The following LZTFL1 variants were observed in gnomAD, a reference collection of about 807,000 sequenced individuals.
LZTFL1 encodes the protein leucine zipper transcription factor like 1.
A neutral mutation model predicts 45.9 loss-of-function variants in LZTFL1; 25 were observed. The ratio of observed to expected loss-of-function variants is 0.54; its 90% CI spans 0.40 to 0.76. LZTFL1 has a LOEUF of 0.76. LZTFL1 is among the 30% of genes least tolerant of loss of function. LZTFL1 has a pLI of 0.00. For missense variants in LZTFL1, 277 were observed against 331.1 expected (o/e 0.84, Z 1.27); for synonymous variants, 93 against 117.4 (o/e 0.79, Z 1.35).
Position 45,840,235 on chromosome 3 carries a change from G to A in LZTFL1, c.3+1754C>T, listed in dbSNP as rs189663310. Reference sequence around the variant, plus strand: ...CAGAAAAGTTCCTTTAAAATGGATTGGAATGAAGAAAGGGGGTAAAAGTGG... The same window carrying A: ...CAGAAAAGTTCCTTTAAAATGGATTAGAATGAAGAAAGGGGGTAAAAGTGG... On this transcript the variant is annotated intron_variant, in intron 1 of 9. Transcript: ENST00000296135. 1.8e-3 allele frequency among the ~76,000 whole-genome samples: 281 copies of A among 152,252 alleles called. 2 individuals are homozygous for A. Among genetic ancestry groups the A allele is most frequent in the Middle Eastern group, 0.014 (4 of 294 alleles).
At chr3:45,828,722 T>A (rs1700734932) in intron 7 of LZTFL1, 107 bp from the exon 8 acceptor site, 1 of 995,282 alleles carries the variant, frequency 1.0e-6, no homozygotes, top group African/African-American at 1.6e-5. Context: ...GATGTATGTT[T>A]TGTGTGCATG....
chr3:45,901,233 G>A lies in LZTFL1; in HGVS notation c.-215+11887C>T, dbSNP rs1252320878. 6.2e-7 allele frequency: 1 copy of A among 1,614,160 alleles called. No individual in the cohort carries two copies. The highest frequency in any genetic ancestry group is 1.1e-5 in the South Asian group (1 of 91,076). ...CAGCGTGGACAGGTACATTGCCATT[G>A]CCCAGGCCATGAGAGCACATACTTG... On this transcript the variant is annotated intron_variant, in intron 2 of 4. Transcript: ENST00000472635. The surrounding 1 kb of genome is among the most constrained non-coding windows in gnomAD (Gnocchi z 4.3).
At chr3:45,834,163 C>A in intron 4 of LZTFL1, 75 bp downstream of exon 4, 1 of 822,906 alleles carries the variant, frequency 1.2e-6, no homozygotes, top group East Asian at 2.6e-5. Flanking sequence ...GTTTTGATCT[C>A]TGAATTCTTT....
rs150847489 is a variant in LZTFL1, at chr3:45,860,912, T to A, written c.-214-1896A>T. 5.9e-5 allele frequency among the ~76,000 whole-genome samples: 9 copies of A among 152,354 alleles called. No homozygotes were observed. In the East Asian group the frequency reaches 1.7e-3, roughly 29 times the overall value. ...TGCTAGGAGAGATTTTCTGCTGAAA[T>A]CTTCCCACTGACTTCTGATCTAGTC... On this transcript the variant is annotated intron_variant, in intron 2 of 4. Transcript: ENST00000472635.
At chr3:45,831,524 A>C (rs1032772379) in intron 5 of LZTFL1, among the ~76,000 whole-genome samples, 3 of 152,060 alleles carry the variant, frequency 2.0e-5, no homozygotes, top group Admixed American at 1.3e-4. Flanking sequence ...GAACTCCTTC[A>C]CTTCAGTACC....
chr3:45,878,784 A>G (rs1395295328), intron 2 of LZTFL1, among the ~76,000 whole-genome samples: 1 of 152,228 alleles, frequency 6.6e-6, no homozygotes, highest in African/African-American at 2.4e-5. Flanking sequence ...AAAGACCTAA[A>G]GAGATACTTC....
Position 45,900,868 on chromosome 3 carries a change from A to G in LZTFL1, c.-215+12252T>C. On this transcript the variant is annotated intron_variant, in intron 2 of 4. Coordinates refer to the LZTFL1 transcript ENST00000472635. The surrounding 1 kb of genome is among the most constrained non-coding windows in gnomAD (Gnocchi z 4.7). ...TCTGAATCCACATCTTCCATGGAAGACTACGTTAACTTCAACTTCACTGAC... is the reference window on the plus strand; with the variant it reads ...TCTGAATCCACATCTTCCATGGAAGGCTACGTTAACTTCAACTTCACTGAC... 1 of 1,614,130 alleles carries G rather than the reference A, an allele frequency of 6.2e-7. No individual in the cohort carries two copies. The highest frequency in any genetic ancestry group is 2.2e-5 in the East Asian group (1 of 44,888).
At chr3:45,851,888 T>A (rs866782853) in intron 4 of LZTFL1, among the ~76,000 whole-genome samples, 1 of 152,098 alleles carries the variant, frequency 6.6e-6, no homozygotes, top group African/African-American at 2.4e-5. Flanking sequence ...CATAACTAAC[T>A]ATATTGACTT....
intron 2 of LZTFL1, among the ~76,000 whole-genome samples, chr3:45,898,028 A>C (rs1702421116): frequency 6.8e-6 from 1 of 146,788 alleles, no homozygotes; most frequent in Non-Finnish European, 1.5e-5. Context: ...CACAAATAAC[A>C]AAAAAAAAAC....
chr3:45,873,408 C>G (rs1701700815), intron 2 of LZTFL1, among the ~76,000 whole-genome samples: 1 of 152,210 alleles, frequency 6.6e-6, no homozygotes, highest in African/African-American at 2.4e-5. Context: ...TTTCATTTCT[C>G]CATCAGCCTT....
chr3:45,849,647 C>T (rs1701277188), intron 4 of LZTFL1, among the ~76,000 whole-genome samples: 1 of 152,136 alleles, frequency 6.6e-6, no homozygotes, highest in African/African-American at 2.4e-5. Context: ...GGTCAGCCTG[C>T]AAAACTAACC....
chr3:45,898,559 C>T (rs1459790113), intron 2 of LZTFL1, among the ~76,000 whole-genome samples: 1 of 152,244 alleles, frequency 6.6e-6, no homozygotes, highest in African/African-American at 2.4e-5. Context: ...TCCTGGGTCC[C>T]TCTCTTTGCA....
At chr3:45,876,966 A>G (rs1701757416) in intron 2 of LZTFL1, among the ~76,000 whole-genome samples, 1 of 152,182 alleles carries the variant, frequency 6.6e-6, no homozygotes, top group African/African-American at 2.4e-5. Context: ...CCTCCTGGAC[A>G]CAAGACAGCA....
chr3:45,892,117 T>G (rs1454780187), intron 2 of LZTFL1, among the ~76,000 whole-genome samples: 1 of 152,208 alleles, frequency 6.6e-6, no homozygotes, highest in Non-Finnish European at 1.5e-5. Flanking sequence ...CTAATTATGC[T>G]GTGTATCATT....
intron 2 of LZTFL1, among the ~76,000 whole-genome samples, chr3:45,876,782 C>G (rs1701754870): frequency 1.3e-5 from 2 of 152,130 alleles, no homozygotes; most frequent in African/African-American, 4.8e-5. Context: ...CCTGGAGGTG[C>G]AGGGTGGTGA....
At chr3:45,863,775 G>T (rs1701533913) in intron 2 of LZTFL1, among the ~76,000 whole-genome samples, 1 of 152,198 alleles carries the variant, frequency 6.6e-6, no homozygotes, top group African/African-American at 2.4e-5. Context: ...AGCTACCCAT[G>T]AAGAGACTGG....
At chr3:45,829,306 T>C (rs1255504599) in intron 7 of LZTFL1, among the ~76,000 whole-genome samples, 3 of 152,272 alleles carry the variant, frequency 2.0e-5, no homozygotes, top group Middle Eastern at 6.8e-3. Flanking sequence ...AATATGTAGA[T>C]GAAGAAATAC....
chr3:45,825,821 AAT>A lies in LZTFL1; in HGVS notation c.*491_*492del, dbSNP rs1181927820. The A allele has an allele frequency of 6.5e-6, 1 of 152,838 alleles. No homozygotes were observed. The highest frequency in any genetic ancestry group is 2.4e-5 in the African/African-American group (1 of 41,468). The allele number at this position is 152,838 out of a possible 1,614,324, so 9.5% of individuals were successfully genotyped here. A position where few individuals can be genotyped will look rare whatever the true frequency, so the allele number is the denominator to read the frequency against. On this transcript the variant is annotated 3_prime_UTR_variant, in exon 10 of 10. Transcript: ENST00000296135. ...TCAATGAATTTATAGTTTATCATCAAATAGAGTAAATGAATTAAGATTTCATT... is the reference window on the plus strand; with the variant it reads ...TCAATGAATTTATAGTTTATCATCAAAGAGTAAATGAATTAAGATTTCATT...
chr3:45,855,911 A>G (rs920108136), intron 3 of LZTFL1, among the ~76,000 whole-genome samples: 2 of 152,374 alleles, frequency 1.3e-5, no homozygotes, highest in South Asian at 4.1e-4. Context: ...GGACACAAAC[A>G]AATGAAAAAA....
Sources: gnomAD v4.1 joint callset for allele counts (sites outside exome capture counted in the v4.1 genomes callset) on GRCh38, gnomAD v4.1.1 for gene constraint, Gnocchi (gnomAD v3.1) non-coding constraint, MANE v1.5 for transcripts, NCBI Gene and HGNC (gene_info 2026-07-23, HGNC 2026-07-21) for gene names.